The following NIPBL variants were observed in gnomAD, a reference collection of about 807,000 sequenced individuals.
NIPBL encodes the protein NIPBL cohesin loading factor.
In NIPBL, 19 loss-of-function variants were observed where a neutral mutation model predicts 321.8. That is an observed-to-expected ratio of 0.06 (90% CI 0.04 to 0.09). The LOEUF (loss-of-function observed/expected upper bound fraction) is 0.09. Ranked by LOEUF, NIPBL falls within the 10% of genes least tolerant of loss-of-function variation. The probability of loss-of-function intolerance (pLI) is 1.00; values close to 1 mark genes in which losing one functional copy is unlikely to be tolerated. For missense variants in NIPBL, 2,210 were observed against 3,327.0 expected (o/e 0.66, Z 8.26); for synonymous variants, 1,106 against 1,114.1 (o/e 0.99, Z 0.14).
intron 6 of NIPBL, among the ~76,000 whole-genome samples, chr5:36,965,564 T>C (rs1011782465): frequency 1.3e-5 from 2 of 152,074 alleles, no homozygotes; most frequent in African/African-American, 4.8e-5. Flanking sequence ...GGGACAAATA[T>C]ACTGTCTGAT....
At chr5:36,987,537 A>G (rs933107396) in intron 10 of NIPBL, among the ~76,000 whole-genome samples, 1 of 152,228 alleles carries the variant, frequency 6.6e-6, no homozygotes. Context: ...TTGTCTACCA[A>G]GAAAGCTCTT....
intron 2 of NIPBL, 80 bp downstream of exon 2, chr5:36,953,840 T>A (rs1740660045): frequency 8.1e-7 from 1 of 1,241,750 alleles, no homozygotes; most frequent in African/African-American, 1.5e-5. Flanking sequence ...TAAAAATTAT[T>A]ATAGGTTCTT....
At chr5:36,885,656 C>A in intron 1 of NIPBL, 3 of 554,498 alleles carry the variant, frequency 5.4e-6, no homozygotes, top group South Asian at 2.9e-5. Flanking sequence ...CTGCATTGTT[C>A]TGCAGATTGA....
intron 1 of NIPBL, among the ~76,000 whole-genome samples, chr5:36,953,090 C>T (rs1740582663): frequency 6.6e-6 from 1 of 152,052 alleles, no homozygotes; most frequent in South Asian, 2.1e-4. Context: ...GATGGGAATA[C>T]ACAAGGGAGA....
chr5:37,036,225 A>G (rs986705187), intron 32 of NIPBL, among the ~76,000 whole-genome samples, 154 bp from the exon 33 acceptor site: 3 of 151,134 alleles, frequency 2.0e-5, no homozygotes, highest in African/African-American at 7.3e-5. Context: ...CACTTTGAGT[A>G]TTAAATTGTT....
At chr5:37,010,040 A>T (rs1747923014) in intron 20 of NIPBL, 47 bp from the exon 21 acceptor site, 2 of 1,422,328 alleles carry the variant, frequency 1.4e-6, no homozygotes, top group African/African-American at 2.8e-5. Flanking sequence ...TGACATTTAA[A>T]TGAGATTATC....
intron 46 of NIPBL, 75 bp from the exon 47 acceptor site, chr5:37,064,452 G>T: frequency 9.4e-6 from 15 of 1,596,816 alleles, no homozygotes; most frequent in Non-Finnish European, 1.3e-5. Context: ...GGGATTAAAA[G>T]CAATAAAAAC....
chr5:37,027,589 G>C (rs1313073188), intron 32 of NIPBL, among the ~76,000 whole-genome samples, 177 bp downstream of exon 32: 1 of 133,250 alleles, frequency 7.5e-6, no homozygotes, highest in Admixed American at 7.8e-5. Flanking sequence ...AATTAATTCA[G>C]TTGCCTGGTT....
At chr5:37,003,497 CTAT>C in intron 16 of NIPBL, 150 bp downstream of exon 16, 1 of 568,330 alleles carries the variant, frequency 1.8e-6, no homozygotes, top group East Asian at 2.8e-5. Flanking sequence ...TTATTACAGT[CTAT>C]TGTTCTGTTT....
intron 1 of NIPBL, among the ~76,000 whole-genome samples, chr5:36,936,321 T>C (rs1738426919): frequency 6.6e-6 from 1 of 152,118 alleles, no homozygotes; most frequent in African/African-American, 2.4e-5. Flanking sequence ...GACCTACAGG[T>C]CCTACAGGAT....
intron 1 of NIPBL, among the ~76,000 whole-genome samples, chr5:36,881,732 T>C (rs1448219557): frequency 6.6e-6 from 1 of 151,974 alleles, no homozygotes; most frequent in Non-Finnish European, 1.5e-5. Flanking sequence ...GTCAAGAAAA[T>C]TGTGTACTTC....
chr5:36,953,233 A>C (rs1740601021), intron 1 of NIPBL, among the ~76,000 whole-genome samples: 1 of 152,192 alleles, frequency 6.6e-6, no homozygotes, highest in Non-Finnish European at 1.5e-5. Flanking sequence ...ATAATGTGGA[A>C]ATGAATTGCA....
intron 1 of NIPBL, among the ~76,000 whole-genome samples, chr5:36,939,015 G>GT (rs1020723878): frequency 9.9e-5 from 15 of 151,828 alleles, no homozygotes; most frequent in Admixed American, 5.9e-4. Context: ...CTTGTTGTTT[G>GT]TTTTTTTCAC....
chr5:36,955,428 C>T (rs1184992273), intron 2 of NIPBL, 44 bp from the exon 3 acceptor site: 1 of 1,523,324 alleles, frequency 6.6e-7, no homozygotes, highest in East Asian at 2.3e-5. Flanking sequence ...AAAGAGACTT[C>T]TATAGTCACT....
In NIPBL at chr5:37,064,552, C is replaced by A; in HGVS notation, c.8075C>A (p.Ser2692Ter). 6.2e-7 allele frequency: 1 copy of A among 1,613,878 alleles called. No individual in the cohort carries two copies. The highest frequency in any genetic ancestry group is 1.1e-5 in the South Asian group (1 of 91,070). ...SGSLRRSKRN[S>*]DSTELAAQMN... ...TCATTGAGAAGGTCAAAACGAAATT[C>A]AGACTCTACGGAGTTGGCAGCACAG... Residue 2692 changes from serine to a stop codon, truncating the protein, a stop_gained, in exon 47 of 47, where the codon TCA (serine) becomes TAA (stop). Coordinates refer to ENST00000282516, the MANE Select transcript of NIPBL (RefSeq NM_133433.4). LOFTEE classifies it high-confidence loss of function.
chr5:36,955,689 T>A (rs1455482047), intron 3 of NIPBL, 52 bp downstream of exon 3: 1 of 1,440,142 alleles, frequency 6.9e-7, no homozygotes, highest in South Asian at 1.1e-5. Context: ...TTGGCCTTAC[T>A]AAGAGAATCC....
At chr5:36,931,822 A>G (rs193120417) in intron 1 of NIPBL, among the ~76,000 whole-genome samples, 92 of 114,716 alleles carry the variant, frequency 8.0e-4, no homozygotes, top group Non-Finnish European at 1.6e-3. Flanking sequence ...TTTTATCTTT[A>G]TTTTTTTCTT....
intron 37 of NIPBL, 47 bp from the exon 38 acceptor site, chr5:37,046,062 T>C: frequency 1.1e-6 from 1 of 941,976 alleles, no homozygotes. Context: ...TGAAAATTAA[T>C]CTAAGTTACT....
At chr5:37,046,239 G>A (rs1320870455) in intron 38 of NIPBL, 40 bp downstream of exon 38, 2 of 1,032,530 alleles carry the variant, frequency 1.9e-6, no homozygotes, top group Non-Finnish European at 3.1e-6. Context: ...CTATTTGAGA[G>A]GGATAGAGCA....
Sources: gnomAD v4.1 joint callset for allele counts (sites outside exome capture counted in the v4.1 genomes callset) on GRCh38, gnomAD v4.1.1 for gene constraint, MANE v1.5 for transcripts, NCBI Gene and HGNC (gene_info 2026-07-23, HGNC 2026-07-21) for gene names.